The following GBP7 variants were observed in gnomAD, a reference collection of about 807,000 sequenced individuals.
GBP7 encodes guanylate-binding protein 7.
In GBP7, 43 loss-of-function variants were observed where a neutral mutation model predicts 61.3. The observed-to-expected ratio is 0.70, with a 90% CI of 0.55 to 0.91. GBP7 has a LOEUF of 0.91. GBP7 is among the 40% of genes least tolerant of loss of function. GBP7 has a pLI of 0.00. For synonymous variants in GBP7, 267 were observed against 271.0 expected (o/e 0.99, Z 0.14); for missense variants, 717 against 740.5 (o/e 0.97, Z 0.37).
chr1:89,152,435 C>G lies in GBP7; in HGVS notation c.458G>C (p.Arg153Thr). The change falls in exon 5 of 11, where the codon AGG becomes ACG. Residue 153 changes from arginine (R) to threonine (T), a missense_variant. Physicochemically the swap from Arg to Thr is moderately conservative, Grantham distance 71. Around this residue, in one of 3 missense-constraint regions of GBP7, gnomAD observed 387 missense variants for 385.2 expected, o/e 1.00. Transcript: ENST00000294671. ...HYVTELTELI[R>T]AKSCPRPDEV... ...ATCAGGTCTGGGGCACGATTTTGCC[C>G]TGATTAGCTCTGTTAGCTCAGTCAC... 1 of 1,614,144 alleles carries G rather than the reference C, an allele frequency of 6.2e-7. No individual in the cohort carries two copies. The highest frequency in any genetic ancestry group is 1.1e-5 in the South Asian group (1 of 91,084).
In GBP7 at chr1:89,164,713, T is replaced by C. The variant is rs1396082899; in HGVS notation, c.318+18A>G. ...GAGAATCAAAGGTAAAGAAGATTTC[T>C]CTATGTCTCTTTCTTACCTTTTCCA... On this transcript the variant is annotated intron_variant, in intron 3 of 10. Transcript: ENST00000294671. 2 of 1,612,210 alleles carry C rather than the reference T, an allele frequency of 1.2e-6. No individual in the cohort carries two copies. The highest frequency in any genetic ancestry group is 1.7e-6 in the Non-Finnish European group (2 of 1,178,674).
intron 3 of GBP7, among the ~76,000 whole-genome samples, chr1:89,164,026 C>T (rs915025314): frequency 4.6e-5 from 7 of 151,918 alleles, no homozygotes; most frequent in East Asian, 1.9e-4. Flanking sequence ...CCCGCCTCTG[C>T]GCTGGGCTAA....
intron 1 of GBP7, among the ~76,000 whole-genome samples, chr1:89,173,107 G>A (rs1647649023): frequency 6.6e-6 from 1 of 150,984 alleles, no homozygotes; most frequent in Non-Finnish European, 1.5e-5. Flanking sequence ...TTCCTTTTTG[G>A]CTCCACAACG....
At chr1:89,171,660 A>C in intron 2 of GBP7, 86 bp downstream of exon 2, 1 of 1,234,210 alleles carries the variant, frequency 8.1e-7, no homozygotes, top group African/African-American at 1.5e-5. Context: ...CCCAACACTA[A>C]CTTTCTCTCA....
intron 3 of GBP7, among the ~76,000 whole-genome samples, chr1:89,156,179 G>C (rs1473681061): frequency 6.6e-6 from 1 of 152,194 alleles, no homozygotes; most frequent in African/African-American, 2.4e-5. Context: ...CACCAGGCCT[G>C]CCTTACAAGA....
chr1:89,170,843 A>C (rs894861694), intron 2 of GBP7, among the ~76,000 whole-genome samples: 23 of 152,178 alleles, frequency 1.5e-4, no homozygotes, highest in Non-Finnish European at 2.4e-4. Flanking sequence ...AGTCCTAACC[A>C]CAATCTTGCA....
chr1:89,164,755 C>T lies in GBP7; in HGVS notation c.294G>A (p.Thr98=), dbSNP rs568032844. The stretch of plus-strand genomic sequence containing the variant: ...CCTTTTCCATATCACCCAGGCCCTC[C>T]GTGTCCAGAAGGATCAGGGTGTGGT... The part of the protein sequence containing the change: ...KPNHTLILLD[T]EGLGDMEKSD... The change falls in exon 3 of 11, where the codon ACG becomes ACA. Residue 98 remains threonine, a synonymous_variant. Transcript: ENST00000294671. 2.7e-5 allele frequency: 43 copies of T among 1,613,872 alleles called. No homozygotes were observed. The highest frequency in any genetic ancestry group is 1.7e-4 in the Middle Eastern group (1 of 6,054).
At chr1:89,144,199 G>C (rs1483847362) in intron 8 of GBP7, among the ~76,000 whole-genome samples, 1 of 152,082 alleles carries the variant, frequency 6.6e-6, no homozygotes, top group Admixed American at 6.6e-5. Context: ...TTCTGCAAAC[G>C]ACATGATTTC....
At chr1:89,145,380 C>A (rs1478549398) in intron 8 of GBP7, among the ~76,000 whole-genome samples, 1 of 152,120 alleles carries the variant, frequency 6.6e-6, no homozygotes, top group Non-Finnish European at 1.5e-5. Context: ...GGTAGGATTT[C>A]TTTCTTTTTA....
At chr1:89,161,944 G>A (rs1647283227) in intron 3 of GBP7, among the ~76,000 whole-genome samples, 1 of 151,604 alleles carries the variant, frequency 6.6e-6, no homozygotes, top group Non-Finnish European at 1.5e-5. Context: ...GTTAACTTTT[G>A]TATATGGTCT....
intron 7 of GBP7, among the ~76,000 whole-genome samples, chr1:89,148,287 G>C (rs572436866): frequency 1.3e-5 from 2 of 152,290 alleles, no homozygotes; most frequent in Admixed American, 1.3e-4. Context: ...TGTACTAAGG[G>C]ATTTCTGTCA....
rs1682165146 is a variant in GBP7, at chr1:89,150,387, T to TA, written c.813dup (p.Ile272TyrfsTer51). 1 of 1,613,770 alleles carries TA rather than the reference T, an allele frequency of 6.2e-7. No homozygotes were observed. The highest frequency in any genetic ancestry group is 1.3e-5 in the African/African-American group (1 of 74,912). On this transcript the variant is annotated frameshift_variant, in exon 6 of 11. Coordinates refer to ENST00000294671, the MANE Select transcript of GBP7 (RefSeq NM_207398.3). LOFTEE classifies it high-confidence loss of function. ...GTCTTGGTCTTTGCATGGGTGAAGA[T>TA]ATAAGAACAGAAATTTTCTGATTGC...
At chr1:89,140,317 C>G (rs1479218247) in intron 9 of GBP7, among the ~76,000 whole-genome samples, 4 of 149,718 alleles carry the variant, frequency 2.7e-5, no homozygotes, top group Non-Finnish European at 4.4e-5. Context: ...GGAGGGATAG[C>G]ATTAGGAGAT....
At chr1:89,175,032 A>G (rs1323146609) in intron 1 of GBP7, among the ~76,000 whole-genome samples, 3 of 152,210 alleles carry the variant, frequency 2.0e-5, no homozygotes, top group African/African-American at 7.2e-5. Flanking sequence ...AGGAGTGAAA[A>G]GCCTTCTTGT....
At chr1:89,152,050 T>C (rs1236938958) in intron 5 of GBP7, among the ~76,000 whole-genome samples, 1 of 152,236 alleles carries the variant, frequency 6.6e-6, no homozygotes, top group Non-Finnish European at 1.5e-5. Context: ...GATAGAACTT[T>C]GAGATTTAAA....
chr1:89,162,498 T>C (rs1026455724), intron 3 of GBP7, among the ~76,000 whole-genome samples: 2 of 152,216 alleles, frequency 1.3e-5, no homozygotes, highest in African/African-American at 2.4e-5. Context: ...TTTACCTCCC[T>C]AGTTAGCTGT....
rs370023014 is a variant in GBP7 at position 89,152,395 on chromosome 1, G to T, written c.498C>A (p.Ser166=). The stretch of plus-strand genomic sequence containing the variant: ...CTGGAAAGAAACTCACAAACTCGCT[G>T]GAGTCCTCAACTTCATCAGGTCTGG... ...SCPRPDEVED[S]SEFVSFFPDF... The change falls in exon 5 of 11, where the codon TCC becomes TCA. Residue 166 remains serine, a synonymous_variant. Transcript: ENST00000294671. 6.2e-7 allele frequency: 1 copy of T among 1,613,962 alleles called. No individual in the cohort carries two copies. Among genetic ancestry groups the T allele is most frequent in the African/African-American group, 1.3e-5 (1 of 74,890 alleles).
chr1:89,149,352 A>T lies in GBP7; in HGVS notation c.1092T>A (p.Ile364=), dbSNP rs757088922. ...TGAAGGAGTACTCCATGAAGACTGC[A>T]ATGGCTTCCCTCTCACAAACTGCAT... The part of the protein sequence containing the change: ...DVHAVCEREA[I]AVFMEYSFKD... The change falls in exon 7 of 11, where the codon ATT becomes ATA. Residue 364 remains isoleucine (I), a synonymous_variant. Transcript: ENST00000294671. 2.6e-5 allele frequency: 42 copies of T among 1,613,988 alleles called. No individual in the cohort carries two copies. Among genetic ancestry groups the T allele is most frequent in the Non-Finnish European group, 3.3e-5 (39 of 1,180,008 alleles).
At chr1:89,158,839 T>G (rs1016968274) in intron 3 of GBP7, among the ~76,000 whole-genome samples, 6 of 152,104 alleles carry the variant, frequency 3.9e-5, no homozygotes, top group African/African-American at 1.4e-4. Context: ...ATGACTTTCT[T>G]CACAGAATTG....
Sources: allele counts gnomAD v4.1 joint callset (sites outside exome capture counted in the v4.1 genomes callset), GRCh38; gene constraint gnomAD v4.1.1; regional missense constraint gnomAD v4.1.1; transcripts MANE v1.5; gene names NCBI Gene and HGNC (gene_info 2026-07-23, HGNC 2026-07-21).